ZFHX4: variants seen among roughly 807,000 people sequenced by gnomAD.
ZFHX4 encodes zinc finger homeobox 4, also known as zinc finger homeobox protein 4.
ZFHX4 carries 56 observed loss-of-function variants against 267.6 expected under a neutral mutation model. The ratio of observed to expected loss-of-function variants is 0.21; its 90% CI spans 0.17 to 0.26. The LOEUF (loss-of-function observed/expected upper bound fraction) is 0.26. Ranked by LOEUF, ZFHX4 falls within the 10% of genes least tolerant of loss-of-function variation. ZFHX4 has a pLI of 1.00. For synonymous variants in ZFHX4, 1,778 were observed against 1,665.6 expected, an observed-to-expected ratio of 1.07 and a Z score of -1.64; for missense variants, 4,332 against 4,420.0, an observed-to-expected ratio of 0.98 and a Z score of 0.56.
At chr8:76,848,584 T>TTTAAGTGTCAAA (rs1424277719) in intron 6 of ZFHX4, among the ~76,000 whole-genome samples, 2 of 152,222 alleles carry the variant, frequency 1.3e-5, no homozygotes, top group East Asian at 3.8e-4. Context: ...CTCAGAACGT[T>TTTAAGTGTCAAA]GAAATATTTT....
chr8:76,806,440 AAATGGGATT>A (rs1811247513), intron 4 of ZFHX4, among the ~76,000 whole-genome samples: 1 of 152,082 alleles, frequency 6.6e-6, no homozygotes. Context: ...GTTATAGGTA[AAATGGGATT>A]AATGACACAG....
intron 4 of ZFHX4, among the ~76,000 whole-genome samples, chr8:76,801,505 A>G (rs1158044877): frequency 6.6e-6 from 1 of 152,170 alleles, no homozygotes; most frequent in East Asian, 1.9e-4. Context: ...CATCTAATAA[A>G]GGCCTATTGC....
chr8:76,759,283 T>C (rs1176038269), intron 3 of ZFHX4, among the ~76,000 whole-genome samples: 1 of 152,228 alleles, frequency 6.6e-6, no homozygotes, highest in African/African-American at 2.4e-5. Context: ...AAAAAAAATC[T>C]ATTCCCCCGT....
chr8:76,777,605 A>C (rs1344589736), intron 3 of ZFHX4, among the ~76,000 whole-genome samples: 1 of 152,206 alleles, frequency 6.6e-6, no homozygotes, highest in East Asian at 1.9e-4. Context: ...TATTTGTAAC[A>C]AAGTAACCTC....
At position 76,835,245 on chromosome 8, in the gene ZFHX4, A is replaced by ATATATGTATATATATATATGTG. The variant is rs1195708125; in HGVS notation, c.3394+1844_3394+1845insGTATATATATATATGTGTATAT. On this transcript the variant is annotated intron_variant, in intron 5 of 10. Coordinates refer to ENST00000651372, the MANE Select transcript of ZFHX4 (RefSeq NM_024721.5). ...TATATATATATATATATATATGTAT[A>ATATATGTATATATATATATGTG]TATATATATATATATTCATACATAT... is the stretch of plus-strand genomic sequence containing the variant. Among the ~76,000 whole-genome samples, 56 of 129,110 alleles carry ATATATGTATATATATATATGTG rather than the reference A, an allele frequency of 4.3e-4. 2 individuals carry two copies. The highest frequency in any genetic ancestry group is 1.2e-3 in the African/African-American group (39 of 32,562). The allele number at this position is 129,110 out of a possible 152,430, so 84.7% of individuals were successfully genotyped here.
At chr8:76,804,383 G>A (rs1019767700) in intron 4 of ZFHX4, among the ~76,000 whole-genome samples, 11 of 152,002 alleles carry the variant, frequency 7.2e-5, no homozygotes, top group Admixed American at 2.6e-4. Context: ...TTTGAATAGC[G>A]AAGTAGTCAT....
At chr8:76,731,401 G>C (rs1485159117) in intron 3 of ZFHX4, among the ~76,000 whole-genome samples, 1 of 152,168 alleles carries the variant, frequency 6.6e-6, no homozygotes, top group African/African-American at 2.4e-5. Flanking sequence ...AGGGAGAGAA[G>C]CCCATTGTCT....
intron 3 of ZFHX4, among the ~76,000 whole-genome samples, chr8:76,777,527 A>G (rs1810430123): frequency 6.6e-6 from 1 of 152,210 alleles, no homozygotes; most frequent in African/African-American, 2.4e-5. Flanking sequence ...TTGTTTATAG[A>G]AAATGTAAGT....
At chr8:76,782,281 C>A in intron 4 of ZFHX4, 1 of 394,488 alleles carries the variant, frequency 2.5e-6, no homozygotes, top group Non-Finnish European at 5.1e-6. Context: ...TTGAAATGTA[C>A]ACTCTGTCTG....
chr8:76,853,050 CCCA>C lies in ZFHX4; in HGVS notation c.6141_6143del (p.Pro2061del), dbSNP rs762973824. ...TGCAAGCTCCACCACCCACTCCTCC[CCCA>C]CCACCACCACCTCCTCCTCCTCCTC... On this transcript the variant is annotated inframe_deletion, in exon 10 of 11. Transcript: ENST00000651372. 1.1e-4 allele frequency: 122 copies of C among 1,086,040 alleles called. No homozygotes were observed. The highest frequency in any genetic ancestry group is 4.4e-4 in the Middle Eastern group (2 of 4,508). 67.3% of individuals were successfully genotyped at this position (1,086,040 alleles called of 1,614,324 possible).
intron 3 of ZFHX4, among the ~76,000 whole-genome samples, chr8:76,737,484 C>G (rs1025982113): frequency 2.6e-5 from 4 of 152,110 alleles, no homozygotes; most frequent in Admixed American, 2.6e-4. Context: ...GCTTATTAGG[C>G]AGAGCATTAT....
intron 4 of ZFHX4, among the ~76,000 whole-genome samples, chr8:76,793,086 T>A (rs906519045): frequency 2.0e-5 from 3 of 152,174 alleles, no homozygotes; most frequent in African/African-American, 7.2e-5. Flanking sequence ...TTGTCCAGAC[T>A]CGCAGGACAC....
intron 3 of ZFHX4, among the ~76,000 whole-genome samples, chr8:76,741,961 A>T (rs984065077): frequency 2.0e-5 from 3 of 152,164 alleles, no homozygotes; most frequent in African/African-American, 4.8e-5. Context: ...ATTCAATGGC[A>T]TGTTGAAGTT....
At chr8:76,699,744 C>CAAA (rs34108017) in intron 1 of ZFHX4, among the ~76,000 whole-genome samples, 20 of 89,720 alleles carry the variant, frequency 2.2e-4, no homozygotes, top group African/African-American at 5.8e-4. Flanking sequence ...GCAACTGATG[C>CAAA]AAAAAAAAAA....
Position 76,803,378 on chromosome 8 carries a change from C to T in ZFHX4, c.3325+24939C>T, listed in dbSNP as rs759002550. 3.3e-5 allele frequency among the ~76,000 whole-genome samples: 5 copies of T among 151,988 alleles called. No individual in the cohort carries two copies. The South Asian group carries it at 8.3e-4, about 25-fold the overall frequency. On this transcript the variant is annotated intron_variant, in intron 4 of 10. Transcript: ENST00000651372. Reference sequence around the variant, plus strand: ...ACATTTTTAAAAGGTAAAATAGCCACGAATTTAATATTTATCCTTGTAAAC... The same window carrying T: ...ACATTTTTAAAAGGTAAAATAGCCATGAATTTAATATTTATCCTTGTAAAC...
rs748055530 is a variant in ZFHX4, at chr8:76,704,899, G to C, written c.811G>C (p.Asp271His). The C allele has an allele frequency of 5.2e-5, 84 of 1,614,042 alleles. No homozygotes were observed. In the South Asian group the frequency reaches 9.0e-4, roughly 17 times the overall value. ...DLSKFDGCVS[D>H]GKRKPVLMCF... ...GTCCAAATTCGATGGTTGTGTTAGC[G>C]ATGGGAAAAGGAAACCTGTTTTAAT... Residue 271 changes from aspartate (D) to histidine (H), a missense_variant, in exon 2 of 11, where the codon GAT becomes CAT. Coordinates refer to ENST00000651372, the MANE Select transcript of ZFHX4 (RefSeq NM_024721.5).
At chr8:76,807,445 CT>C (rs1483980063) in intron 4 of ZFHX4, among the ~76,000 whole-genome samples, 1 of 152,054 alleles carries the variant, frequency 6.6e-6, no homozygotes, top group Non-Finnish European at 1.5e-5. Context: ...TTTCTCTCTC[CT>C]ACCAGGAATT....
At chr8:76,682,060 G>A (rs1196318181) in intron 1 of ZFHX4, among the ~76,000 whole-genome samples, 1 of 152,094 alleles carries the variant, frequency 6.6e-6, no homozygotes, top group Non-Finnish European at 1.5e-5. Flanking sequence ...CATTCTAGTG[G>A]CTGGGGGAAG....
intron 4 of ZFHX4, among the ~76,000 whole-genome samples, chr8:76,783,092 T>C (rs1044289499): frequency 6.6e-6 from 1 of 152,034 alleles, no homozygotes; most frequent in African/African-American, 2.4e-5. Context: ...TAATCATGGT[T>C]GCAATTTTGT....
Sources: allele counts gnomAD v4.1 joint callset (sites outside exome capture counted in the v4.1 genomes callset), GRCh38; gene constraint gnomAD v4.1.1; transcripts MANE v1.5; gene names NCBI Gene and HGNC (gene_info 2026-07-23, HGNC 2026-07-21).